The following SDK1 variants were observed in gnomAD, a reference collection of about 807,000 sequenced individuals.
SDK1 encodes protein sidekick-1.
Under a neutral mutation model 245.5 loss-of-function variants are expected in SDK1, and 157 were observed. The ratio of observed to expected loss-of-function variants is 0.64; its 90% CI spans 0.56 to 0.73. The LOEUF is 0.73. SDK1 is among the 30% of genes least tolerant of loss of function. The pLI, the probability that SDK1 is intolerant of heterozygous loss-of-function variation, is 0.00. For synonymous variants in SDK1, 1,647 were observed against 1,278.5 expected, an observed-to-expected ratio of 1.29 and a Z score of -6.15; for missense variants, 3,583 against 3,002.3, an observed-to-expected ratio of 1.19 and a Z score of -4.52.
At chr7:4,238,512 A>G (rs1185236895) in intron 42 of SDK1, among the ~76,000 whole-genome samples, 1 of 151,808 alleles carries the variant, frequency 6.6e-6, no homozygotes, top group Non-Finnish European at 1.5e-5. Context: ...GCAGTAAGCC[A>G]TGATCACACC....
intron 1 of SDK1, among the ~76,000 whole-genome samples, chr7:3,598,970 A>G (rs1781161686): frequency 6.6e-6 from 1 of 152,178 alleles, no homozygotes; most frequent in Admixed American, 6.5e-5. Context: ...TAAATGCCCA[A>G]GAGAACAGTT....
At chr7:4,063,597 C>CAA (rs35423286) in intron 19 of SDK1, among the ~76,000 whole-genome samples, 82 of 125,158 alleles carry the variant, frequency 6.6e-4, no homozygotes, top group African/African-American at 1.7e-3. Context: ...ACAGAAATAG[C>CAA]AAAAAAAAAA....
Position 3,790,378 on chromosome 7 carries a change from G to T in SDK1, c.714-31072G>T, listed in dbSNP as rs534391586. On this transcript the variant is annotated intron_variant, in intron 4 of 44. Coordinates refer to ENST00000404826, the MANE Select transcript of SDK1 (RefSeq NM_152744.4). ...GTCTCCTGTGGCTGCTCAATGGCAG[G>T]TTCTAACGAGGAGCCAGCTGGCAAA... Among the ~76,000 whole-genome samples, 143 of 152,276 alleles carry T rather than the reference G, an allele frequency of 9.4e-4. 1 individual carries two copies. Among genetic ancestry groups the T allele is most frequent in the African/African-American group, 3.4e-3 (140 of 41,540 alleles).
intron 4 of SDK1, among the ~76,000 whole-genome samples, chr7:3,747,200 T>C (rs1779650403): frequency 6.6e-6 from 1 of 152,210 alleles, no homozygotes; most frequent in Non-Finnish European, 1.5e-5. Context: ...GACACAGAAC[T>C]ACCTAGGTAA....
chr7:3,484,190 C>T (rs1184241941), intron 1 of SDK1, among the ~76,000 whole-genome samples: 9 of 152,184 alleles, frequency 5.9e-5, no homozygotes, highest in African/African-American at 2.2e-4. Context: ...CCTGCCAAAC[C>T]CACGGATACA....
At chr7:3,691,190 CAAT>C (rs55682378) in intron 4 of SDK1, among the ~76,000 whole-genome samples, 124,688 of 151,886 alleles carry the variant, frequency 0.82, 51,320 homozygotes, top group Non-Finnish European at 0.85. Flanking sequence ...ATACGAAAAG[CAAT>C]AGAGAATTCT....
chr7:3,946,920 G>T (rs966546679), intron 5 of SDK1, among the ~76,000 whole-genome samples: 1 of 152,174 alleles, frequency 6.6e-6, no homozygotes, highest in Admixed American at 6.5e-5. Context: ...CACCAGAGGC[G>T]TGCTTTTCTC....
At chr7:3,977,599 A>G (rs995254138) in intron 13 of SDK1, among the ~76,000 whole-genome samples, 2 of 152,118 alleles carry the variant, frequency 1.3e-5, no homozygotes, top group African/African-American at 4.8e-5. Context: ...AGGTCTCCTG[A>G]TCATGCACCC....
At chr7:3,729,611 G>GTC (rs1017451947) in intron 4 of SDK1, among the ~76,000 whole-genome samples, 2 of 152,108 alleles carry the variant, frequency 1.3e-5, no homozygotes, top group Admixed American at 6.5e-5. Flanking sequence ...TTTGCTTCTT[G>GTC]TCTGGGGCAG....
chr7:3,838,897 C>T (rs909706508), intron 5 of SDK1, among the ~76,000 whole-genome samples: 2 of 152,218 alleles, frequency 1.3e-5, no homozygotes, highest in Non-Finnish European at 2.9e-5. Context: ...AGGAGAGTGT[C>T]TCTGACTGCC....
chr7:4,141,421 C>T (rs1243471915), intron 28 of SDK1, among the ~76,000 whole-genome samples: 2 of 152,196 alleles, frequency 1.3e-5, no homozygotes, highest in Admixed American at 1.3e-4. Flanking sequence ...ATAATCTGGG[C>T]AGAGATAAAA....
chr7:3,613,325 C>T (rs75333194), intron 1 of SDK1, among the ~76,000 whole-genome samples: 1 of 152,128 alleles, frequency 6.6e-6, no homozygotes, highest in Non-Finnish European at 1.5e-5. Flanking sequence ...GAAGATTATT[C>T]TCACATTGGA....
chr7:3,876,279 C>G (rs1458960622), intron 5 of SDK1, among the ~76,000 whole-genome samples: 1 of 152,210 alleles, frequency 6.6e-6, no homozygotes, highest in Non-Finnish European at 1.5e-5. Context: ...TTTTGGGCAG[C>G]ATTTTCCCCA....
intron 1 of SDK1, among the ~76,000 whole-genome samples, chr7:3,432,177 A>C (rs963510775): frequency 6.7e-6 from 1 of 149,794 alleles, no homozygotes; most frequent in African/African-American, 2.4e-5. Context: ...ATATATATAT[A>C]TCCCCATACC....
intron 1 of SDK1, among the ~76,000 whole-genome samples, chr7:3,444,039 C>A (rs987946372): frequency 3.9e-5 from 6 of 152,250 alleles, no homozygotes; most frequent in African/African-American, 1.4e-4. Flanking sequence ...GTTGTGCAGC[C>A]TTCCTGCCTG....
At chr7:3,417,271 A>G (rs1779399179) in intron 1 of SDK1, among the ~76,000 whole-genome samples, 1 of 152,194 alleles carries the variant, frequency 6.6e-6, no homozygotes, top group South Asian at 2.1e-4. Flanking sequence ...TTTACATTTA[A>G]AACTATGGAA....
At chr7:3,573,850 C>T (rs1229561493) in intron 1 of SDK1, among the ~76,000 whole-genome samples, 1 of 151,940 alleles carries the variant, frequency 6.6e-6, no homozygotes, top group Non-Finnish European at 1.5e-5. Flanking sequence ...TTTCTCCTTC[C>T]AGTACTCATT....
At chr7:3,347,731 G>C (rs1264523086) in intron 1 of SDK1, among the ~76,000 whole-genome samples, 1 of 152,014 alleles carries the variant, frequency 6.6e-6, no homozygotes, top group Non-Finnish European at 1.5e-5. Flanking sequence ...TGAACCTTCT[G>C]GGTACCATTT....
intron 4 of SDK1, among the ~76,000 whole-genome samples, chr7:3,796,940 T>C (rs1346225794): frequency 6.6e-6 from 1 of 152,182 alleles, no homozygotes; most frequent in African/African-American, 2.4e-5. Context: ...AAGTTTTATT[T>C]TAGATACACA....
Sources: gnomAD v4.1 joint callset for allele counts (sites outside exome capture counted in the v4.1 genomes callset) on GRCh38, gnomAD v4.1.1 for gene constraint, MANE v1.5 for transcripts, NCBI Gene and HGNC (gene_info 2026-07-23, HGNC 2026-07-21) for gene names.